ERCC6L2: variants seen among roughly 807,000 people sequenced by gnomAD.
ERCC6L2 encodes DNA excision repair protein ERCC-6-like 2.
Under a neutral mutation model 132.0 loss-of-function variants are expected in ERCC6L2, and 77 were observed. The observed-to-expected ratio is 0.58, with a 90% CI of 0.49 to 0.71. The LOEUF (loss-of-function observed/expected upper bound fraction) is 0.71. ERCC6L2 is among the 30% of genes least tolerant of loss of function. ERCC6L2 has a pLI of 0.00. For missense variants in ERCC6L2, 1,542 were observed against 1,837.6 expected (o/e 0.84, Z 2.94); for synonymous variants, 583 against 632.4 (o/e 0.92, Z 1.17).
At chr9:96,003,429 G>A (rs1769624493) in intron 17 of ERCC6L2, among the ~76,000 whole-genome samples, 1 of 152,182 alleles carries the variant, frequency 6.6e-6, no homozygotes, top group Non-Finnish European at 1.5e-5. Context: ...CATGGCACTG[G>A]CTGGGCATTC....
In ERCC6L2 at chr9:95,977,320, T is replaced by G. The variant is rs1046176787; in HGVS notation, c.3338-741T>G. ...GTTTGCATGATTGGCAATTTCTGATTGAAGAGGTTCAGGACTAAAACAGCA... is the reference window on the plus strand; with the variant it reads ...GTTTGCATGATTGGCAATTTCTGATGGAAGAGGTTCAGGACTAAAACAGCA... On this transcript the variant is annotated intron_variant, in intron 16 of 18. Coordinates refer to ENST00000653738, the MANE Select transcript of ERCC6L2 (RefSeq NM_020207.7). Among the ~76,000 whole-genome samples the G allele has an allele frequency of 3.3e-5, 5 of 152,334 alleles. No individual in the cohort carries two copies. In the East Asian group the frequency reaches 9.6e-4, roughly 29 times the overall value.
intron 11 of ERCC6L2, among the ~76,000 whole-genome samples, chr9:95,932,116 G>T (rs1262099101): frequency 6.6e-6 from 1 of 151,158 alleles, no homozygotes; most frequent in Non-Finnish European, 1.5e-5. Context: ...TGTGGCCCAG[G>T]CTGTATGGTG....
intron 20 of ERCC6L2, among the ~76,000 whole-genome samples, chr9:96,039,623 A>G (rs1170417521): frequency 6.6e-6 from 1 of 152,030 alleles, no homozygotes; most frequent in Non-Finnish European, 1.5e-5. Context: ...AGTGGTGGGG[A>G]CTAGAGATTA....
rs557321061 is a variant in ERCC6L2 at position 96,032,151 on chromosome 9, G to A, written c.*1504-6725G>A. Among the ~76,000 whole-genome samples the A allele has an allele frequency of 2.8e-4, 42 of 151,980 alleles. 1 individual carries two copies. Among genetic ancestry groups the A allele is most frequent in the South Asian group, 2.1e-4 (1 of 4,806 alleles). ...GCCCCGCCACCTCACCTTCCACACC[G>A]GAACCTTCCACACTCACCCTGAGCC... On this transcript the variant is annotated intron_variant and NMD_transcript_variant, in intron 19 of 20. Coordinates refer to the ERCC6L2 transcript ENST00000670016.
At chr9:95,958,013 G>GCTAT (rs1831699245) in intron 13 of ERCC6L2, among the ~76,000 whole-genome samples, 1 of 144,826 alleles carries the variant, frequency 6.9e-6, no homozygotes, top group Non-Finnish European at 1.5e-5. Context: ...ATCTCCTAAT[G>GCTAT]CTATCCCTCC....
intron 17 of ERCC6L2, among the ~76,000 whole-genome samples, chr9:95,994,009 T>A (rs910227121): frequency 2.6e-5 from 4 of 152,252 alleles, no homozygotes; most frequent in Non-Finnish European, 5.9e-5. Flanking sequence ...TAGCTCATAG[T>A]TGCCTTAGGT....
intron 12 of ERCC6L2, among the ~76,000 whole-genome samples, chr9:95,944,829 A>T (rs530257147): frequency 6.6e-6 from 1 of 152,244 alleles, no homozygotes; most frequent in South Asian, 2.1e-4. Flanking sequence ...AGTTTTTATT[A>T]GCGATTTTCA....
intron 19 of ERCC6L2, among the ~76,000 whole-genome samples, chr9:96,032,923 A>G (rs1834478449): frequency 6.6e-6 from 1 of 151,582 alleles, no homozygotes; most frequent in Non-Finnish European, 1.5e-5. Context: ...TGGAGCAGGA[A>G]CCCCCACAGA....
chr9:95,887,337 C>T (rs1827925224), intron 2 of ERCC6L2, among the ~76,000 whole-genome samples: 1 of 152,118 alleles, frequency 6.6e-6, no homozygotes. Context: ...TTACTGAAGG[C>T]ATAGCTCTAA....
chr9:95,914,011 C>T (rs964262323), intron 4 of ERCC6L2, among the ~76,000 whole-genome samples: 2 of 152,172 alleles, frequency 1.3e-5, no homozygotes, highest in African/African-American at 2.4e-5. Context: ...GGATAGATAC[C>T]TAGGAATGGA....
intron 12 of ERCC6L2, chr9:95,954,716 G>A (rs1025482916): frequency 6.4e-6 from 3 of 466,656 alleles, no homozygotes; most frequent in Non-Finnish European, 8.9e-6. Context: ...ATCCATTTCT[G>A]GTTTTCTTTA....
At chr9:95,886,050 C>G (rs1301350892) in intron 2 of ERCC6L2, among the ~76,000 whole-genome samples, 4 of 152,230 alleles carry the variant, frequency 2.6e-5, no homozygotes, top group South Asian at 2.1e-4. Context: ...GGGTCTCACT[C>G]TGGCATTCAG....
chr9:95,941,889 A>G (rs1830821411), intron 12 of ERCC6L2, among the ~76,000 whole-genome samples: 1 of 152,224 alleles, frequency 6.6e-6, no homozygotes, highest in South Asian at 2.1e-4. Flanking sequence ...TGATCAGGGT[A>G]TCCGCAGAGA....
At chr9:95,930,366 A>T (rs941282117) in intron 11 of ERCC6L2, among the ~76,000 whole-genome samples, 7 of 152,162 alleles carry the variant, frequency 4.6e-5, no homozygotes, top group African/African-American at 1.7e-4. Context: ...TATGTAATAT[A>T]ATAAATACAT....
intron 16 of ERCC6L2, among the ~76,000 whole-genome samples, chr9:95,975,726 C>T (rs1208704697): frequency 2.0e-5 from 3 of 151,828 alleles, no homozygotes; most frequent in Non-Finnish European, 4.4e-5. Flanking sequence ...GTCTTCTTTG[C>T]CTATCTTCAG....
At chr9:95,948,786 C>T (rs1454257732) in intron 12 of ERCC6L2, among the ~76,000 whole-genome samples, 2 of 89,388 alleles carry the variant, frequency 2.2e-5, no homozygotes, top group African/African-American at 9.5e-5. Flanking sequence ...GACCACAAGA[C>T]ATTAGAAAAA....
rs563841845 is a variant in ERCC6L2, at chr9:96,037,589, C to T, written c.*1504-1287C>T. ...TGTCCACCAAAGCAGGAAATACAGTCGGGGAGGGCATGGAGCCAGGCACAT... is the reference window on the plus strand; with the variant it reads ...TGTCCACCAAAGCAGGAAATACAGTTGGGGAGGGCATGGAGCCAGGCACAT... On this transcript the variant is annotated intron_variant and NMD_transcript_variant, in intron 19 of 20. Transcript: ENST00000670016. 1.1e-4 allele frequency among the ~76,000 whole-genome samples: 16 copies of T among 152,160 alleles called. No homozygotes were observed. The South Asian group carries it at 1.7e-3, about 16-fold the overall frequency.
Position 96,018,232 on chromosome 9 carries a change from ATTTTG to A in ERCC6L2, c.*5031_*5035del, listed in dbSNP as rs1386323604. The stretch of plus-strand genomic sequence containing the variant: ...CACTTAAAAGTCATTAAAATGCTAA[ATTTTG>A]TATGTGTTTTACAATTTTAAAAATG... On this transcript the variant is annotated 3_prime_UTR_variant, in exon 19 of 19. Coordinates refer to ENST00000653738, the MANE Select transcript of ERCC6L2 (RefSeq NM_020207.7). Among the ~76,000 whole-genome samples the A allele has an allele frequency of 7.9e-5, 12 of 152,320 alleles. No homozygotes were observed. In the East Asian group the frequency reaches 2.1e-3, roughly 27 times the overall value.
intron 13 of ERCC6L2, among the ~76,000 whole-genome samples, chr9:95,957,980 A>T (rs1831697526): frequency 6.7e-6 from 1 of 149,628 alleles, no homozygotes; most frequent in Non-Finnish European, 1.5e-5. Context: ...GCACCCATTA[A>T]CTCATCATTT....
Sources: allele counts gnomAD v4.1 joint callset (sites outside exome capture counted in the v4.1 genomes callset), GRCh38; gene constraint gnomAD v4.1.1; transcripts MANE v1.5; gene names NCBI Gene and HGNC (gene_info 2026-07-23, HGNC 2026-07-21).